The following GNG5 variants were observed in gnomAD, a reference collection of about 807,000 sequenced individuals.
The protein encoded by GNG5 is G protein subunit gamma 5.
In GNG5, 2 loss-of-function variants were observed where a neutral mutation model predicts 6.2. The observed-to-expected ratio is 0.32, with a 90% confidence interval of 0.13 to 1.01. The LOEUF (loss-of-function observed/expected upper bound fraction) is 1.01. Ranked by LOEUF, GNG5 falls within the 50% of genes least tolerant of loss-of-function variation. The pLI is 0.48. For synonymous variants in GNG5, 24 were observed against 33.0 expected (o/e 0.73, Z 0.93); for missense variants, 57 against 80.2 (o/e 0.71, Z 1.10).
intron 3 of GNG5, among the ~76,000 whole-genome samples, chr1:84,501,314 C>A (rs1240936088): frequency 6.6e-6 from 1 of 152,214 alleles, no homozygotes. Flanking sequence ...TCAATTACAT[C>A]TGACTTTCTC....
At chr1:84,499,612 G>A (rs887629671) in intron 3 of GNG5, among the ~76,000 whole-genome samples, 2 of 152,118 alleles carry the variant, frequency 1.3e-5, no homozygotes, top group African/African-American at 4.8e-5. Context: ...TTTACAAAGA[G>A]TATTTAATGA....
rs990429008 is a variant in GNG5, at chr1:84,506,192, G to C, written c.-101C>G. 3.8e-5 allele frequency: 34 copies of C among 901,176 alleles called. No individual in the cohort carries two copies. In the East Asian group the frequency reaches 1.1e-3, roughly 29 times the overall value. 55.8% of individuals were successfully genotyped at this position (901,176 alleles called of 1,614,324 possible). The stretch of plus-strand genomic sequence containing the variant: ...CGGCGCGCGGCGGGGGCGGGGCTCC[G>C]AACTTTGTCTCTAAGTTTCCGGTTC... On this transcript the variant is annotated 5_prime_UTR_variant, in exon 2 of 4. Coordinates refer to ENST00000370645, the MANE Select transcript of GNG5 (RefSeq NM_005274.3).
Position 84,501,898 on chromosome 1 carries a change from C to A in GNG5, c.154G>T (p.Val52Leu). Residue 52 changes from valine to leucine, a missense_variant, in exon 3 of 4, where the codon GTA becomes TTA. By Grantham distance (32) the Val-to-Leu change is conservative (BLOSUM62 1). Transcript: ENST00000370645. ...CTGAAGGGATTTGTACTTGAAGATA[C>A]TCCAGTCAGCAGAGGGTCATGTTGA... is the stretch of plus-strand genomic sequence containing the variant. ...NAQHDPLLTG[V>L]SSSTNPFRPQ... 1 of 1,604,318 alleles carries A rather than the reference C, an allele frequency of 6.2e-7. No individual in the cohort carries two copies.
Position 84,501,907 on chromosome 1 carries a change from G to C in GNG5, c.145C>G (p.Leu49Val), listed in dbSNP as rs751359708. 5.6e-6 allele frequency: 9 copies of C among 1,603,046 alleles called. No homozygotes were observed. The highest frequency in any genetic ancestry group is 3.3e-4 in the Middle Eastern group (2 of 6,032). Residue 49 changes from leucine to valine, a missense_variant, in exon 3 of 4, where the codon CTG becomes GTG. By Grantham distance (32) the Leu-to-Val change is conservative. Transcript: ENST00000370645. ...TTTGTACTTGAAGATACTCCAGTCA[G>C]CAGAGGGTCATGTTGAGCATTCTGC... ...CLQNAQHDPLLTGVSSSTNPF... is the reference protein window; with the variant it reads ...CLQNAQHDPLVTGVSSSTNPF...
intron 2 of GNG5, among the ~76,000 whole-genome samples, chr1:84,502,567 G>A (rs1031722215): frequency 6.6e-6 from 1 of 152,130 alleles, no homozygotes; most frequent in Admixed American, 6.5e-5. Flanking sequence ...TTTGCAAAGC[G>A]TAGCACATCT....
intron 3 of GNG5, among the ~76,000 whole-genome samples, chr1:84,499,484 T>G (rs1570358320): frequency 6.6e-6 from 1 of 152,232 alleles, no homozygotes; most frequent in African/African-American, 2.4e-5. Flanking sequence ...ATAGAGGTAC[T>G]AAGTATATAT....
Position 84,498,451 on chromosome 1 carries a change from A to G in GNG5, c.*117T>C, listed in dbSNP as rs1233633470. 3.3e-5 allele frequency: 5 copies of G among 152,754 alleles called. No individual in the cohort carries two copies. The East Asian group carries it at 9.6e-4, about 29-fold the overall frequency. 9.5% of individuals were successfully genotyped at this position (152,754 alleles called of 1,614,324 possible). A position where few individuals can be genotyped will look rare whatever the true frequency, so the allele number is the denominator to read the frequency against. On this transcript the variant is annotated 3_prime_UTR_variant, in exon 4 of 4. Coordinates refer to ENST00000370645, the MANE Select transcript of GNG5 (RefSeq NM_005274.3). Reference sequence around the variant, plus strand: ...AGGACTGACGAAAGTAGAAGTTTGTATATTATGGCACATGTGTTACAGGGA... The same window carrying G: ...AGGACTGACGAAAGTAGAAGTTTGTGTATTATGGCACATGTGTTACAGGGA...
intron 3 of GNG5, among the ~76,000 whole-genome samples, chr1:84,499,415 A>G (rs1311708893): frequency 1.3e-5 from 2 of 152,360 alleles, no homozygotes; most frequent in South Asian, 2.1e-4. Context: ...GGCAGGGGAT[A>G]TCAAGTACAA....
intron 2 of GNG5, among the ~76,000 whole-genome samples, 162 bp from the exon 3 acceptor site, chr1:84,502,132 CTTT>C (rs140132840): frequency 2.0e-5 from 2 of 102,082 alleles, no homozygotes; most frequent in African/African-American, 4.3e-5. Context: ...ATAGTGAGCT[CTTT>C]TTTTTTTTTT....
chr1:84,499,921 G>A (rs1017081138), intron 3 of GNG5, among the ~76,000 whole-genome samples: 2 of 152,092 alleles, frequency 1.3e-5, no homozygotes, highest in Non-Finnish European at 2.9e-5. Context: ...TTCGAGAAAC[G>A]CTGTCTCTAC....
At chr1:84,498,612 T>G (rs1318967374) in intron 3 of GNG5, 64 bp from the exon 4 acceptor site, 1 of 152,416 alleles carries the variant, frequency 6.6e-6, no homozygotes, top group Non-Finnish European at 1.5e-5. Context: ...TAGTTTTTAA[T>G]TTTTTTCATG....
At position 84,501,987 on chromosome 1, in the gene GNG5, G is replaced by A. The variant is rs182700922; in HGVS notation, c.82-17C>T. On this transcript the variant is annotated splice_polypyrimidine_tract_variant and intron_variant, in intron 2 of 3. Transcript: ENST00000370645. Reference sequence around the variant, plus strand: ...CTGGGAAACCTATACATAACAAAGAGGGGGGGAAGTGCCAGATGGTGAGAA... The same window carrying A: ...CTGGGAAACCTATACATAACAAAGAAGGGGGGAAGTGCCAGATGGTGAGAA... 1.0e-5 allele frequency: 16 copies of A among 1,595,976 alleles called. No homozygotes were observed. The highest frequency in any genetic ancestry group is 3.4e-5 in the Admixed American group (2 of 59,344).
chr1:84,503,139 A>G (rs1682090784), intron 2 of GNG5, among the ~76,000 whole-genome samples: 1 of 152,268 alleles, frequency 6.6e-6, no homozygotes, highest in Non-Finnish European at 1.5e-5. Context: ...GGACCCGTTC[A>G]GACGTGGAAC....
chr1:84,501,610 A>G (rs1447971106), intron 3 of GNG5, among the ~76,000 whole-genome samples: 5 of 152,160 alleles, frequency 3.3e-5, no homozygotes, highest in African/African-American at 1.2e-4. Context: ...TAAATCCTCT[A>G]CTTAACCTTC....
intron 3 of GNG5, among the ~76,000 whole-genome samples, chr1:84,498,888 T>G (rs1323459017): frequency 6.6e-6 from 1 of 152,162 alleles, no homozygotes; most frequent in African/African-American, 2.4e-5. Context: ...TCTAGTGAAG[T>G]AAAGGATGCA....
chr1:84,506,169 G>T lies in GNG5; in HGVS notation c.-78C>A. 8.3e-7 allele frequency: 1 copy of T among 1,202,794 alleles called. No individual in the cohort carries two copies. Among genetic ancestry groups the T allele is most frequent in the Non-Finnish European group, 1.1e-6 (1 of 871,186 alleles). The allele number at this position is 1,202,794 out of a possible 1,614,324, so 74.5% of individuals were successfully genotyped here. A position where few individuals can be genotyped will look rare whatever the true frequency, so the allele number is the denominator to read the frequency against. ...GTCGGCGGGGCCAGACAACTCAGCG[G>T]CGCGCGGCGGGGGCGGGGCTCCGAA... On this transcript the variant is annotated 5_prime_UTR_variant, in exon 2 of 4. Transcript: ENST00000370645.
At chr1:84,503,822 T>A (rs1682103788) in intron 2 of GNG5, 1 of 152,184 alleles carries the variant, frequency 6.6e-6, no homozygotes, top group South Asian at 2.1e-4. Flanking sequence ...TGCTCTGTAG[T>A]AAAATGAATA....
chr1:84,505,896 C>T lies in GNG5; in HGVS notation c.81+115G>A, dbSNP rs557895799. 4.8e-5 allele frequency: 33 copies of T among 684,418 alleles called. 1 individual carries two copies. The East Asian group carries it at 1.1e-3, about 23-fold the overall frequency. 42.4% of individuals were successfully genotyped at this position (684,418 alleles called of 1,614,324 possible). A position where few individuals can be genotyped will look rare whatever the true frequency, so the allele number is the denominator to read the frequency against. On this transcript the variant is annotated intron_variant, in intron 2 of 3. Transcript: ENST00000370645. Reference sequence around the variant, plus strand: ...CGATCGCCGCCGCTGAGCGCGCGTCCTCTCCAGGGGAAGCGAGGGCCGGCG... The same window carrying T: ...CGATCGCCGCCGCTGAGCGCGCGTCTTCTCCAGGGGAAGCGAGGGCCGGCG...
At chr1:84,499,354 T>C (rs1361760901) in intron 3 of GNG5, among the ~76,000 whole-genome samples, 1 of 152,202 alleles carries the variant, frequency 6.6e-6, no homozygotes, top group Non-Finnish European at 1.5e-5. Context: ...TTGTTAGGAC[T>C]CAAGGAAAAA....
Sources: allele counts gnomAD v4.1 joint callset (sites outside exome capture counted in the v4.1 genomes callset), GRCh38; gene constraint gnomAD v4.1.1; transcripts MANE v1.5; gene names NCBI Gene and HGNC (gene_info 2026-07-23, HGNC 2026-07-21).